The following NKX2-1 variants were observed in gnomAD, a reference collection of about 807,000 sequenced individuals.
NKX2-1 encodes NK2 homeobox 1.
Under a neutral mutation model 35.1 loss-of-function variants are expected in NKX2-1, and 9 were observed. The ratio of observed to expected loss-of-function variants is 0.26; its 90% CI spans 0.15 to 0.45. The LOEUF (loss-of-function observed/expected upper bound fraction) is 0.45. Ranked by LOEUF, NKX2-1 falls within the 20% of genes least tolerant of loss-of-function variation. The pLI is 1.00. For synonymous variants in NKX2-1, 284 were observed against 269.9 expected, an observed-to-expected ratio of 1.05 and a Z score of -0.51; for missense variants, 509 against 589.1, an observed-to-expected ratio of 0.86 and a Z score of 1.41.
intron 2 of NKX2-1, 30 bp from the exon 3 acceptor site, chr14:36,518,050 G>T: frequency 1.3e-6 from 2 of 1,595,134 alleles, no homozygotes; most frequent in African/African-American, 2.7e-5. Context: ...AGCGTCGGCC[G>T]GGGCCAGGCC....
chr14:36,518,941 C>G, intron 2 of NKX2-1, 44 bp downstream of exon 2: 1 of 1,502,482 alleles, frequency 6.7e-7, no homozygotes, highest in Non-Finnish European at 8.8e-7. Flanking sequence ...CGCCGCACCT[C>G]CTGAGCTCAG....
chr14:36,519,721 C>A, intron 1 of NKX2-1: 2 of 1,495,938 alleles, frequency 1.3e-6, no homozygotes, highest in South Asian at 2.5e-5. Flanking sequence ...TTTTAGGTCT[C>A]AAAGAGAGAG....
intron 1 of NKX2-1, chr14:36,519,783 C>A: frequency 6.9e-7 from 1 of 1,443,650 alleles, no homozygotes. Context: ...CTTGGACACC[C>A]CCACCCCCAT....
Position 36,519,214 on chromosome 14 carries a change from C to A in NKX2-1, c.234G>T (p.Pro78=), listed in dbSNP as rs535188654. The A allele has an allele frequency of 3.7e-6, 6 of 1,603,668 alleles. No individual in the cohort carries two copies. The East Asian group carries it at 1.3e-4, about 36-fold the overall frequency. The change falls in exon 2 of 3, where the codon CCG becomes CCT. Residue 78 remains proline (P), a synonymous_variant. Transcript: ENST00000354822. Reference sequence around the variant, plus strand: ...CGTGCTGCTGCATGGCCGCTGTTGGCGGTGCCGCCTGGCCCTGCCTGTACG... The same window carrying A: ...CGTGCTGCTGCATGGCCGCTGTTGGAGGTGCCGCCTGGCCCTGCCTGTACG... ...LAAYRQGQAA[P]PTAAMQQHAV... is the part of the protein sequence containing the mutation.
chr14:36,519,237 A>G lies in NKX2-1; in HGVS notation c.211T>C (p.Tyr71His), dbSNP rs1881222714. Residue 71 changes from tyrosine to histidine, a missense_variant, in exon 2 of 3, where the codon TAC becomes CAC. Around this residue, in one of 5 missense-constraint regions of NKX2-1, gnomAD observed 271 missense variants for 284.1 expected, o/e 0.95. Coordinates refer to ENST00000354822, the MANE Select transcript of NKX2-1 (RefSeq NM_001079668.3). ...GGCGGTGCCGCCTGGCCCTGCCTGT[A>G]CGCCGCCAGCGGAGCCCCGAGGCCG... The part of the protein sequence containing the change: ...GGGLGAPLAA[Y>H]RQGQAAPPTA... 1 of 1,608,584 alleles carries G rather than the reference A, an allele frequency of 6.2e-7. No individual in the cohort carries two copies. The highest frequency in any genetic ancestry group is 1.3e-5 in the African/African-American group (1 of 74,702).
rs1210879733 is a variant in NKX2-1, at chr14:36,517,692, G to A, written c.792C>T (p.Gly264=). The change falls in exon 3 of 3, where the codon GGC becomes GGT. Residue 264 remains glycine (G), a synonymous_variant. Coordinates refer to ENST00000354822, the MANE Select transcript of NKX2-1 (RefSeq NM_001079668.3). The part of the protein sequence containing the change: ...AAQQQLQQDS[G]GGGGGGGTGC... ...CGGTGCCCCCGCCGCCCCCGCCGCC[G>A]CCGCTGTCCTGCTGCAGTTGCTGCT... 2.5e-6 allele frequency: 4 copies of A among 1,572,242 alleles called. No individual in the cohort carries two copies. Among genetic ancestry groups the A allele is most frequent in the Admixed American group, 1.8e-5 (1 of 54,770 alleles).
chr14:36,518,917 T>C (rs1881196588), intron 2 of NKX2-1, 68 bp downstream of exon 2: 1 of 1,410,502 alleles, frequency 7.1e-7, no homozygotes, highest in Admixed American at 3.0e-5. Flanking sequence ...GCGCCGCGCC[T>C]TCTGGACGGC....
At chr14:36,518,515 C>T (rs2076735) in intron 2 of NKX2-1, among the ~76,000 whole-genome samples, 10,799 of 152,228 alleles carry the variant, frequency 0.071, 590 homozygotes, top group East Asian at 0.19. Flanking sequence ...AGGGCACCTG[C>T]TCGGACCCTT....
rs1452409825 is a variant in NKX2-1 at position 36,516,742 on chromosome 14, G to C, written c.*536C>G. 4.3e-6 allele frequency: 1 copy of C among 233,384 alleles called. No homozygotes were observed. Among genetic ancestry groups the C allele is most frequent in the East Asian group, 6.0e-5 (1 of 16,590 alleles). The allele number at this position is 233,384 out of a possible 1,614,324, so 14.5% of individuals were successfully genotyped here. A position where few individuals can be genotyped will look rare whatever the true frequency, so the allele number is the denominator to read the frequency against. On this transcript the variant is annotated 3_prime_UTR_variant, in exon 3 of 3. Coordinates refer to ENST00000354822, the MANE Select transcript of NKX2-1 (RefSeq NM_001079668.3). ...AGGCGGCCAGAGGGTGCCGGGGAGG[G>C]GGCACTTCCTTTGTGTCAGTGACAA...
At position 36,519,233 on chromosome 14, in the gene NKX2-1, C is replaced by T; in HGVS notation, c.215G>A (p.Arg72Lys). The change falls in exon 2 of 3, where the codon AGG (arginine) becomes AAG (lysine). Residue 72 changes from arginine (R) to lysine (K), a missense_variant. Around this residue, in one of 5 missense-constraint regions of NKX2-1, gnomAD observed 271 missense variants for 284.1 expected, o/e 0.95. Transcript: ENST00000354822. The part of the protein sequence containing the change: ...GGLGAPLAAY[R>K]QGQAAPPTAA... ...TGTTGGCGGTGCCGCCTGGCCCTGC[C>T]TGTACGCCGCCAGCGGAGCCCCGAG... The T allele has an allele frequency of 6.2e-7, 1 of 1,608,668 alleles. No homozygotes were observed. Among genetic ancestry groups the T allele is most frequent in the Non-Finnish European group, 8.5e-7 (1 of 1,178,008 alleles).
rs1165182343 is a variant in NKX2-1, at chr14:36,517,930, G to T, written c.554C>A (p.Pro185Gln). The T allele has an allele frequency of 1.2e-6, 2 of 1,605,874 alleles. No homozygotes were observed. Among genetic ancestry groups the T allele is most frequent in the Non-Finnish European group, 1.7e-6 (2 of 1,179,610 alleles). The change falls in exon 3 of 3, where the codon CCG becomes CAG. Residue 185 changes from proline to glutamine, a missense_variant. Around this residue, in one of 5 missense-constraint regions of NKX2-1, gnomAD observed 271 missense variants for 284.1 expected, o/e 0.95. Coordinates refer to ENST00000354822, the MANE Select transcript of NKX2-1 (RefSeq NM_001079668.3). Reference sequence around the variant, plus strand: ...CTTCCTGCGCGGCGCGCTTGGCAGCGGGGCCATGTTCTTGCTCACGTCCCC... The same window carrying T: ...CTTCCTGCGCGGCGCGCTTGGCAGCTGGGCCATGTTCTTGCTCACGTCCCC... ...SLGDVSKNMA[P>Q]LPSAPRRKRR...
chr14:36,519,981 T>C (rs1881273133), intron 1 of NKX2-1, 72 bp downstream of exon 1: 3 of 1,601,520 alleles, frequency 1.9e-6, no homozygotes, highest in Non-Finnish European at 2.6e-6. Flanking sequence ...CACTTTCCAA[T>C]TCGGTCGGGG....
rs760427096 is a variant in NKX2-1 at position 36,519,034 on chromosome 14, G to A, written c.414C>T (p.Ala138=). The change falls in exon 2 of 3, where the codon GCC becomes GCT. Residue 138 remains alanine (A), a synonymous_variant. Coordinates refer to ENST00000354822, the MANE Select transcript of NKX2-1 (RefSeq NM_001079668.3). ...PPYQDTMRNS[A]SGPGWYGANP... ...TGGCGCCGTACCATCCGGGGCCAGAGGCGCTGTTCCTCATGGTGTCCTGGT... is the reference window on the plus strand; with the variant it reads ...TGGCGCCGTACCATCCGGGGCCAGAAGCGCTGTTCCTCATGGTGTCCTGGT... 1.8e-5 allele frequency: 29 copies of A among 1,594,436 alleles called. No individual in the cohort carries two copies. The highest frequency in any genetic ancestry group is 2.3e-5 in the Non-Finnish European group (27 of 1,176,996).
Position 36,520,057 on chromosome 14 carries a change from G to C in NKX2-1, c.73C>G (p.Leu25Val), listed in dbSNP as rs1361213421. The C allele has an allele frequency of 3.7e-6, 6 of 1,612,902 alleles. No homozygotes were observed. Among genetic ancestry groups the C allele is most frequent in the Non-Finnish European group, 5.1e-6 (6 of 1,179,866 alleles). ...GGGACAGGGTGGGGGTTTCACCTGA[G>C]CCTGCCGGGGCTGCTCCTCCCTCCC... ...AAGGRSSPGR[L>V]SRRRIMSMSP... Residue 25 changes from leucine to valine, a missense_variant, in exon 1 of 3, where the codon CTC (leucine) becomes GTC (valine). By Grantham distance (32) the Leu-to-Val change is conservative. Around this residue, in one of 5 missense-constraint regions of NKX2-1, gnomAD observed 271 missense variants for 284.1 expected, o/e 0.95. Transcript: ENST00000354822.
rs201057772 is a variant in NKX2-1 at position 36,517,954 on chromosome 14, C to A, written c.530G>T (p.Gly177Val). The stretch of plus-strand genomic sequence containing the variant: ...CGGGGCCATGTTCTTGCTCACGTCC[C>A]CCAGCGAGCCCAGGCCGCCCATGCC... The part of the protein sequence containing the change: ...MSGMGGLGSL[G>V]DVSKNMAPLP... The change falls in exon 3 of 3, where the codon GGG (glycine) becomes GTG (valine). Residue 177 changes from glycine to valine, a missense_variant. This residue lies in a region of NKX2-1 where 271 missense variants were observed against 284.1 expected (regional missense o/e 0.95). Coordinates refer to ENST00000354822, the MANE Select transcript of NKX2-1 (RefSeq NM_001079668.3). 1.9e-6 allele frequency: 3 copies of A among 1,601,374 alleles called. No homozygotes were observed. In the Admixed American group the frequency reaches 5.0e-5, roughly 27 times the overall value.
chr14:36,519,783 C>T (rs1566617299), intron 1 of NKX2-1: 2 of 1,443,650 alleles, frequency 1.4e-6, no homozygotes, highest in Non-Finnish European at 1.8e-6. Context: ...CTTGGACACC[C>T]CCACCCCCAT....
In NKX2-1 at chr14:36,517,666, C is replaced by T. The variant is rs771205427; in HGVS notation, c.818G>A (p.Gly273Glu). 1.9e-6 allele frequency: 3 copies of T among 1,550,286 alleles called. No homozygotes were observed. Among genetic ancestry groups the T allele is most frequent in the Non-Finnish European group, 2.6e-6 (3 of 1,148,562 alleles). Residue 273 changes from glycine (G) to glutamate (E), a missense_variant, in exon 3 of 3, where the codon GGG becomes GAG. By Grantham distance (98) the Gly-to-Glu change is moderately conservative. Coordinates refer to ENST00000354822, the MANE Select transcript of NKX2-1 (RefSeq NM_001079668.3). ...CTGAGCCTGTTGCTGCTGCGGGCAC[C>T]CGGTGCCCCCGCCGCCCCCGCCGCC... ...SGGGGGGGGT[G>E]CPQQQQAQQQ...
At chr14:36,518,060 C>CG in intron 2 of NKX2-1, 40 bp from the exon 3 acceptor site, 1 of 1,590,426 alleles carries the variant, frequency 6.3e-7, no homozygotes, top group Non-Finnish European at 8.5e-7. Context: ...GGGGCCAGGC[C>CG]GAGCCAGGCC....
At chr14:36,519,668 G>A in intron 1 of NKX2-1, 1 of 1,521,090 alleles carries the variant, frequency 6.6e-7, no homozygotes, top group Non-Finnish European at 8.8e-7. Context: ...TAGCTTACAT[G>A]CTGATGACAA....
Sources: allele counts gnomAD v4.1 joint callset (sites outside exome capture counted in the v4.1 genomes callset), GRCh38; gene constraint gnomAD v4.1.1; regional missense constraint gnomAD v4.1.1; transcripts MANE v1.5; gene names NCBI Gene and HGNC (gene_info 2026-07-23, HGNC 2026-07-21).